The following ZSWIM5 variants were observed in gnomAD, a reference collection of about 807,000 sequenced individuals.
ZSWIM5 encodes zinc finger SWIM domain-containing protein 5.
ZSWIM5 carries 55 observed loss-of-function variants against 119.6 expected under a neutral mutation model. The observed-to-expected ratio is 0.46, with a 90% CI of 0.37 to 0.58. The LOEUF (loss-of-function observed/expected upper bound fraction) is 0.58. ZSWIM5 is among the 20% of genes least tolerant of loss of function. The probability of loss-of-function intolerance (pLI) is 0.00; values close to 1 mark genes in which losing one functional copy is unlikely to be tolerated. For missense variants in ZSWIM5, 1,193 were observed against 1,512.8 expected, an observed-to-expected ratio of 0.79 and a Z score of 3.51; for synonymous variants, 537 against 606.9, an observed-to-expected ratio of 0.88 and a Z score of 1.69.
At chr1:45,198,589 G>T (rs1017731452) in intron 1 of ZSWIM5, among the ~76,000 whole-genome samples, 2 of 152,118 alleles carry the variant, frequency 1.3e-5, no homozygotes, top group Non-Finnish European at 2.9e-5. Flanking sequence ...CAATGTTCCT[G>T]CTCATTCCTC....
intron 5 of ZSWIM5, among the ~76,000 whole-genome samples, chr1:45,044,202 A>AAG (rs35643162): frequency 4.2e-5 from 6 of 144,096 alleles, no homozygotes; most frequent in East Asian, 4.2e-4. Context: ...AAAAAAAAAA[A>AAG]AGAGAGAGAG....
intron 4 of ZSWIM5, among the ~76,000 whole-genome samples, chr1:45,055,049 T>C (rs1213201050): frequency 6.6e-6 from 1 of 152,182 alleles, no homozygotes; most frequent in East Asian, 1.9e-4. Flanking sequence ...TGGAGTGCAG[T>C]GGCACGGTCT....
intron 1 of ZSWIM5, among the ~76,000 whole-genome samples, chr1:45,119,771 C>G (rs1645580272): frequency 6.6e-6 from 1 of 152,192 alleles, no homozygotes; most frequent in Non-Finnish European, 1.5e-5. Flanking sequence ...CCAAACCTAG[C>G]ACAGTCTGGT....
At chr1:45,157,359 A>G (rs1011334858) in intron 1 of ZSWIM5, among the ~76,000 whole-genome samples, 1 of 152,120 alleles carries the variant, frequency 6.6e-6, no homozygotes, top group African/African-American at 2.4e-5. Context: ...TGTTGCTGGT[A>G]GAGACAAGGT....
intron 1 of ZSWIM5, among the ~76,000 whole-genome samples, chr1:45,112,046 G>T (rs1645521885): frequency 6.6e-6 from 1 of 152,064 alleles, no homozygotes; most frequent in Admixed American, 6.6e-5. Context: ...CACCATAATT[G>T]CACATATTTA....
At chr1:45,172,675 T>A (rs985762670) in intron 1 of ZSWIM5, among the ~76,000 whole-genome samples, 2 of 152,064 alleles carry the variant, frequency 1.3e-5, no homozygotes, top group Admixed American at 6.6e-5. Context: ...GGGAAAAATA[T>A]CCTCCCCCAA....
rs190428901 is a variant in ZSWIM5, at chr1:45,130,637, T to C, written c.596-42400A>G. Among the ~76,000 whole-genome samples, 6 of 152,210 alleles carry C rather than the reference T, an allele frequency of 3.9e-5. No homozygotes were observed. In the East Asian group the frequency reaches 9.6e-4, roughly 24 times the overall value. On this transcript the variant is annotated intron_variant, in intron 1 of 13. Transcript: ENST00000359600. ...GAAAAACCGAATCACTTGTAAGTTG[T>C]TGGTGGAAATGTAAAATGGTACAGT...
chr1:45,138,104 T>TG lies in ZSWIM5; in HGVS notation c.596-49868dup, dbSNP rs1645700595. Among the ~76,000 whole-genome samples the TG allele has an allele frequency of 3.3e-5, 5 of 152,282 alleles. No individual in the cohort carries two copies. In the South Asian group the frequency reaches 1.0e-3, roughly 32 times the overall value. ...TCCATAAATAGAAAACATGCACAAG[T>TG]GACCCCTAACAACATGGGATTGAAC... On this transcript the variant is annotated intron_variant, in intron 1 of 13. Coordinates refer to ENST00000359600, the MANE Select transcript of ZSWIM5 (RefSeq NM_020883.2).
Position 45,116,931 on chromosome 1 carries a change from T to A in ZSWIM5, c.596-28694A>T, listed in dbSNP as rs80237969. Among the ~76,000 whole-genome samples the A allele has an allele frequency of 1.3e-3, 193 of 152,300 alleles. 4 individuals are homozygous for A. In the East Asian group the frequency reaches 0.036, roughly 28 times the overall value. The stretch of plus-strand genomic sequence containing the variant: ...ATAAAAAACACAAAAGAACTTTAAG[T>A]AACTATATTTAGGGTAGGCTGTTTA... On this transcript the variant is annotated intron_variant, in intron 1 of 13. Transcript: ENST00000359600.
rs781114403 is a variant in ZSWIM5 at position 45,018,480 on chromosome 1, G to A, written c.3532C>T (p.Leu1178=). 14 of 1,614,150 alleles carry A rather than the reference G, an allele frequency of 8.7e-6. No individual in the cohort carries two copies. Among genetic ancestry groups the A allele is most frequent in the Non-Finnish European group, 1.0e-5 (12 of 1,179,988 alleles). The change falls in exon 14 of 14, where the codon CTG becomes TTG. Residue 1178 remains leucine (L), a synonymous_variant. Transcript: ENST00000359600. The surrounding 1 kb of genome is among the most constrained non-coding windows in gnomAD (Gnocchi z 6.7). The stretch of plus-strand genomic sequence containing the variant: ...CAGCCAAAGCGCTCTCGCACCAGCA[G>A]CATCAACTTTTTCTTGCCTTTGTAG... ...QIYKGKKKLM[L]LVRERFG is the part of the protein sequence containing the mutation.
At chr1:45,152,279 T>A (rs768304917) in intron 1 of ZSWIM5, among the ~76,000 whole-genome samples, 1 of 151,724 alleles carries the variant, frequency 6.6e-6, no homozygotes, top group Non-Finnish European at 1.5e-5. Context: ...AAGTCAAGAG[T>A]GGTTTCTGGG....
At chr1:45,065,222 G>A (rs963523504) in intron 2 of ZSWIM5, among the ~76,000 whole-genome samples, 1 of 152,206 alleles carries the variant, frequency 6.6e-6, no homozygotes, top group African/African-American at 2.4e-5. Flanking sequence ...GGGTTGTTGA[G>A]TACCTTGGAG....
rs545198922 is a variant in ZSWIM5, at chr1:45,190,977, C to T, written c.595+14779G>A. Among the ~76,000 whole-genome samples the T allele has an allele frequency of 3.7e-4, 40 of 108,922 alleles. No homozygotes were observed. The South Asian group carries it at 0.012, about 31-fold the overall frequency. The allele number at this position is 108,922 out of a possible 152,430, so 71.5% of individuals were successfully genotyped here. A position where few individuals can be genotyped will look rare whatever the true frequency, so the allele number is the denominator to read the frequency against. On this transcript the variant is annotated intron_variant, in intron 1 of 13. Coordinates refer to ENST00000359600, the MANE Select transcript of ZSWIM5 (RefSeq NM_020883.2). ...TTTTTTTTTTTTTGAGACGGAGTCT[C>T]GCTCTTTCGCCCAGGCCGGAGTGCA...
intron 2 of ZSWIM5, among the ~76,000 whole-genome samples, chr1:45,079,413 A>T (rs1352848894): frequency 6.6e-6 from 1 of 152,084 alleles, no homozygotes; most frequent in South Asian, 2.1e-4. Flanking sequence ...CACCATTGCC[A>T]CAGGCCCACG....
chr1:45,111,993 T>C (rs575929930), intron 1 of ZSWIM5, among the ~76,000 whole-genome samples: 104 of 152,322 alleles, frequency 6.8e-4, no homozygotes, highest in Middle Eastern at 6.8e-3. Context: ...GGGTTCATAT[T>C]ACAGGATTTT....
chr1:45,188,777 C>A (rs948544509), intron 1 of ZSWIM5, among the ~76,000 whole-genome samples: 1 of 152,172 alleles, frequency 6.6e-6, no homozygotes, highest in African/African-American at 2.4e-5. Context: ...AAAACCCTAG[C>A]AAGGCTAACC....
Position 45,039,731 on chromosome 1 carries a change from C to A in ZSWIM5, c.1757-658G>T, listed in dbSNP as rs1380404811. 2.0e-5 allele frequency among the ~76,000 whole-genome samples: 3 copies of A among 150,352 alleles called. No homozygotes were observed. In the East Asian group the frequency reaches 6.0e-4, roughly 30 times the overall value. ...ATTAATTATTTATTTTAAGACGGAG[C>A]TCTGCTCTTGTTGCCCAGGCTGGAG... On this transcript the variant is annotated intron_variant, in intron 7 of 13. Transcript: ENST00000359600.
chr1:45,074,315 CCTT>C (rs541363284), intron 2 of ZSWIM5, among the ~76,000 whole-genome samples: 1 of 151,888 alleles, frequency 6.6e-6, no homozygotes, highest in South Asian at 2.1e-4. Context: ...TGGTATTAAT[CCTT>C]CTTTAAATGT....
chr1:45,183,016 A>G (rs1441569360), intron 1 of ZSWIM5, among the ~76,000 whole-genome samples: 22 of 151,484 alleles, frequency 1.5e-4, no homozygotes, highest in African/African-American at 4.8e-4. Context: ...CTCCTCAGCA[A>G]ATGTAAAAGA....
Sources: gnomAD v4.1 joint callset for allele counts (sites outside exome capture counted in the v4.1 genomes callset) on GRCh38, gnomAD v4.1.1 for gene constraint, Gnocchi (gnomAD v3.1) non-coding constraint, MANE v1.5 for transcripts, NCBI Gene and HGNC (gene_info 2026-07-23, HGNC 2026-07-21) for gene names.